Variants in SLC35F4 observed in about 807,000 individuals in gnomAD.
SLC35F4 encodes the protein chromosome 14 open reading frame 36.
In SLC35F4, 24 loss-of-function variants were observed where a neutral mutation model predicts 44.2. That is an observed-to-expected ratio of 0.54 (90% CI 0.39 to 0.76). SLC35F4 has a LOEUF of 0.76. SLC35F4 is among the 30% of genes least tolerant of loss of function. The pLI is 0.00. For synonymous variants in SLC35F4, 238 were observed against 223.6 expected, an observed-to-expected ratio of 1.06 and a Z score of -0.57; for missense variants, 562 against 586.1, an observed-to-expected ratio of 0.96 and a Z score of 0.42.
intron 6 of SLC35F4, among the ~76,000 whole-genome samples, chr14:57,567,035 G>T (rs1003275264): frequency 1.3e-5 from 2 of 152,194 alleles, no homozygotes; most frequent in Non-Finnish European, 2.9e-5. Flanking sequence ...CCTCTCTCTG[G>T]AGGTCAGCAT....
At chr14:57,823,763 TTTAA>T (rs1432352902) in intron 1 of SLC35F4, among the ~76,000 whole-genome samples, 5 of 152,314 alleles carry the variant, frequency 3.3e-5, no homozygotes, top group Admixed American at 2.6e-4. Context: ...GAATAACATC[TTTAA>T]TTATTAAAAA....
intron 1 of SLC35F4, among the ~76,000 whole-genome samples, chr14:57,735,217 A>G (rs2076433989): frequency 1.3e-5 from 2 of 152,094 alleles, no homozygotes; most frequent in Non-Finnish European, 2.9e-5. Context: ...TCCTCTTTCG[A>G]CAGATGTCCT....
At chr14:57,915,593 T>C (rs1889311719) in intron 1 of SLC35F4, among the ~76,000 whole-genome samples, 1 of 152,168 alleles carries the variant, frequency 6.6e-6, no homozygotes, top group South Asian at 2.1e-4. Context: ...GATATACTAT[T>C]TTATCATTCT....
chr14:57,703,504 A>G (rs1594835878), intron 1 of SLC35F4, among the ~76,000 whole-genome samples: 2 of 152,198 alleles, frequency 1.3e-5, no homozygotes, highest in Non-Finnish European at 2.9e-5. Context: ...CCAAAGGGCT[A>G]ATGGTAGTGG....
chr14:57,927,611 C>T (rs808223), intron 1 of SLC35F4, among the ~76,000 whole-genome samples: 41,439 of 151,558 alleles, frequency 0.27, 6,245 homozygotes, highest in East Asian at 0.66. Context: ...CTGCCTCAGC[C>T]TCCCAAGTAG....
intron 1 of SLC35F4, among the ~76,000 whole-genome samples, chr14:57,854,886 A>C (rs1319513983): frequency 6.6e-6 from 1 of 152,234 alleles, no homozygotes; most frequent in African/African-American, 2.4e-5. Flanking sequence ...TAACAACCAA[A>C]AATAAAAACC....
chr14:57,968,573 A>G (rs997991625), intron 1 of SLC35F4, among the ~76,000 whole-genome samples: 4 of 152,172 alleles, frequency 2.6e-5, no homozygotes, highest in Admixed American at 6.5e-5. Context: ...ATGGTTCTCA[A>G]TGTGTGGTCC....
rs542515107 is a variant in SLC35F4 at position 57,740,206 on chromosome 14, A to C, written c.103+125517T>G. On this transcript the variant is annotated intron_variant, in intron 1 of 7. Coordinates refer to ENST00000556826, the MANE Select transcript of SLC35F4 (RefSeq NM_001306087.2). ...TGGCTCTTGGGAGACTACTGTATCT[A>C]ATTGAAAGAATGATATAAAAAAACC... is the stretch of plus-strand genomic sequence containing the variant. Among the ~76,000 whole-genome samples, 739 of 152,286 alleles carry C rather than the reference A, an allele frequency of 4.9e-3. 5 individuals are homozygous for C. Among genetic ancestry groups the C allele is most frequent in the Admixed American group, 8.4e-3 (128 of 15,278 alleles).
intron 1 of SLC35F4, among the ~76,000 whole-genome samples, chr14:57,929,847 C>G (rs969961886): frequency 4.6e-5 from 7 of 152,198 alleles, no homozygotes; most frequent in African/African-American, 1.2e-4. Context: ...TCCCAACACG[C>G]ATCTAGACCC....
intron 1 of SLC35F4, among the ~76,000 whole-genome samples, chr14:57,659,383 G>C (rs2074066714): frequency 6.6e-6 from 1 of 152,166 alleles, no homozygotes; most frequent in Admixed American, 6.6e-5. Flanking sequence ...GGTCTCAGCA[G>C]TCAGAGTTTT....
At chr14:57,878,898 T>A (rs373616283) in intron 1 of SLC35F4, among the ~76,000 whole-genome samples, 1 of 152,174 alleles carries the variant, frequency 6.6e-6, no homozygotes, top group African/African-American at 2.4e-5. Context: ...TCAAGGAAGA[T>A]CTATTTACCT....
intron 1 of SLC35F4, among the ~76,000 whole-genome samples, chr14:57,853,014 G>A (rs1886722032): frequency 6.6e-6 from 1 of 152,286 alleles, no homozygotes. Context: ...ATAGTGTAAT[G>A]TTCAATCTCT....
chr14:57,801,491 G>A (rs774079041), intron 1 of SLC35F4, among the ~76,000 whole-genome samples: 11 of 152,162 alleles, frequency 7.2e-5, no homozygotes, highest in Non-Finnish European at 1.3e-4. Flanking sequence ...GCATCATGGT[G>A]ACAAAAGCAC....
downstream of SLC35F4, among the ~76,000 whole-genome samples, chr14:57,975,722 G>A (rs555840816): frequency 1.3e-5 from 2 of 152,318 alleles, no homozygotes; most frequent in South Asian, 2.1e-4. Context: ...CCGCAGAGAG[G>A]AGCCCTAAAA....
chr14:57,746,884 G>A (rs929122238), intron 1 of SLC35F4, among the ~76,000 whole-genome samples: 4 of 152,116 alleles, frequency 2.6e-5, no homozygotes, highest in Admixed American at 6.5e-5. Context: ...GAGTGCAGTT[G>A]GGACCACATG....
At chr14:57,606,415 TACTC>T (rs1432526148) in intron 1 of SLC35F4, among the ~76,000 whole-genome samples, 10 of 152,222 alleles carry the variant, frequency 6.6e-5, no homozygotes, top group African/African-American at 2.4e-4. Context: ...AATAATATCT[TACTC>T]AAATAAGCAA....
intron 1 of SLC35F4, among the ~76,000 whole-genome samples, chr14:57,648,128 A>C (rs2073622727): frequency 6.6e-6 from 1 of 152,228 alleles, no homozygotes; most frequent in Non-Finnish European, 1.5e-5. Context: ...TGCTAGCATC[A>C]GATATTATAC....
At chr14:57,827,809 A>G (rs1474133206) in intron 1 of SLC35F4, among the ~76,000 whole-genome samples, 1 of 152,066 alleles carries the variant, frequency 6.6e-6, no homozygotes, top group African/African-American at 2.4e-5. Flanking sequence ...TTTTCAAAAA[A>G]AAAAAAAACA....
chr14:57,812,191 T>C (rs946941145), intron 1 of SLC35F4, among the ~76,000 whole-genome samples: 12 of 152,296 alleles, frequency 7.9e-5, no homozygotes, highest in Admixed American at 1.3e-4. Flanking sequence ...TGTGGTGTCA[T>C]GTCTGCTGGG....
Sources: allele counts gnomAD v4.1 joint callset (sites outside exome capture counted in the v4.1 genomes callset), GRCh38; gene constraint gnomAD v4.1.1; transcripts MANE v1.5; gene names NCBI Gene and HGNC (gene_info 2026-07-23, HGNC 2026-07-21).